Variants in SLC7A8 observed in about 807,000 individuals in gnomAD.
SLC7A8 encodes the protein large neutral amino acids transporter small subunit 2.
A neutral mutation model predicts 51.2 loss-of-function variants in SLC7A8; 30 were observed. The ratio of observed to expected loss-of-function variants is 0.59; its 90% CI spans 0.44 to 0.80. SLC7A8 has a LOEUF of 0.80. Ranked by LOEUF, SLC7A8 falls within the 30% of genes least tolerant of loss-of-function variation. The pLI is 0.00. For missense variants in SLC7A8, 612 were observed against 674.4 expected, an observed-to-expected ratio of 0.91 and a Z score of 1.03; for synonymous variants, 257 against 275.8, an observed-to-expected ratio of 0.93 and a Z score of 0.67.
chr14:23,175,405 C>T (rs1264317064), intron 1 of SLC7A8, among the ~76,000 whole-genome samples: 11 of 152,168 alleles, frequency 7.2e-5, no homozygotes, highest in African/African-American at 2.7e-4. Flanking sequence ...GATGGGGTTT[C>T]ACCATGTTGG....
chr14:23,161,610 G>C (rs868788191), intron 3 of SLC7A8, among the ~76,000 whole-genome samples: 2 of 114,342 alleles, frequency 1.7e-5, no homozygotes, highest in African/African-American at 7.1e-5. Flanking sequence ...GGGTGGGTGG[G>C]AGGGGTGCTG....
chr14:23,144,533 G>A (rs1039623077), intron 3 of SLC7A8, among the ~76,000 whole-genome samples: 1 of 152,046 alleles, frequency 6.6e-6, no homozygotes, highest in African/African-American at 2.4e-5. Context: ...TAAGCTGGGT[G>A]GTGTGGTCGC....
Position 23,128,707 on chromosome 14 carries a change from T to G in SLC7A8, c.1264-511A>C, listed in dbSNP as rs1698983356. Reference sequence around the variant, plus strand: ...CAATATGGCAAATGTCAGCTCCTTATGGGCCACATGTGGGGAGTTCCTGAG... The same window carrying G: ...CAATATGGCAAATGTCAGCTCCTTAGGGGCCACATGTGGGGAGTTCCTGAG... On this transcript the variant is annotated intron_variant, in intron 9 of 10. Coordinates refer to ENST00000316902, the MANE Select transcript of SLC7A8 (RefSeq NM_012244.4). This position sits in a 1 kb window ranked among gnomAD's most constrained non-coding sequence, Gnocchi z 4.3. Among the ~76,000 whole-genome samples, 1 of 152,220 alleles carries G rather than the reference T, an allele frequency of 6.6e-6. No homozygotes were observed. Among genetic ancestry groups the G allele is most frequent in the African/African-American group, 2.4e-5 (1 of 41,458 alleles).
Position 23,155,411 on chromosome 14 carries a change from T to A in SLC7A8, c.508+9874A>T, listed in dbSNP as rs1303816357. On this transcript the variant is annotated intron_variant, in intron 3 of 10. Transcript: ENST00000316902. ...CTCTTCCCCTTCCTTCTTATCCTGT[T>A]AGCTCCTGCGCCAGCTGCTGGAGCT... 6 of 1,454,354 alleles carry A rather than the reference T, an allele frequency of 4.1e-6. No homozygotes were observed. The African/African-American group carries it at 8.5e-5, about 21-fold the overall frequency. The allele number at this position is 1,454,354 out of a possible 1,614,324, so 90.1% of individuals were successfully genotyped here. A position where few individuals can be genotyped will look rare whatever the true frequency, so the allele number is the denominator to read the frequency against.
intron 3 of SLC7A8, chr14:23,154,558 G>T: frequency 1.2e-6 from 1 of 849,162 alleles, no homozygotes; most frequent in East Asian, 1.2e-4. Flanking sequence ...GGCTTGGCCT[G>T]TCCAACCGCA....
intron 3 of SLC7A8, among the ~76,000 whole-genome samples, chr14:23,145,721 G>A (rs146141517): frequency 1.6e-4 from 24 of 152,010 alleles, no homozygotes; most frequent in Non-Finnish European, 2.4e-4. Flanking sequence ...ATTCCACAGC[G>A]CACATCAACC....
At chr14:23,153,841 C>G (rs2048868357) in intron 3 of SLC7A8, among the ~76,000 whole-genome samples, 1 of 152,134 alleles carries the variant, frequency 6.6e-6, no homozygotes, top group African/African-American at 2.4e-5. Context: ...TTTCCAGAAC[C>G]AGGCCACTCC....
intron 3 of SLC7A8, among the ~76,000 whole-genome samples, chr14:23,151,112 T>C (rs59173459): frequency 0.028 from 4,211 of 152,290 alleles, 193 homozygotes; most frequent in African/African-American, 0.096. Context: ...TGAAGAGCTG[T>C]GCGGTTGCTG....
At chr14:23,132,591 CA>C (rs371100408) in intron 7 of SLC7A8, among the ~76,000 whole-genome samples, 8 of 150,232 alleles carry the variant, frequency 5.3e-5, no homozygotes, top group African/African-American at 1.7e-4. Context: ...CAAACACAAA[CA>C]AAAAAACCCC....
In SLC7A8 at chr14:23,169,192, A is replaced by AT. The variant is rs572039055; in HGVS notation, c.152-2653_152-2652insA. Among the ~76,000 whole-genome samples, 68 of 152,062 alleles carry AT rather than the reference A, an allele frequency of 4.5e-4. No individual in the cohort carries two copies. The East Asian group carries it at 0.013, about 29-fold the overall frequency. Reference sequence around the variant, plus strand: ...AGGGAGATCCTATCTCTAACAAAAAAATTTTTTGTTTTTTAATTAGCCAGA... The same window carrying AT: ...AGGGAGATCCTATCTCTAACAAAAAATATTTTTTGTTTTTTAATTAGCCAGA... On this transcript the variant is annotated intron_variant, in intron 1 of 10. Transcript: ENST00000316902.
intron 3 of SLC7A8, among the ~76,000 whole-genome samples, chr14:23,144,154 T>C (rs949487971): frequency 2.0e-5 from 3 of 151,878 alleles, no homozygotes; most frequent in African/African-American, 7.3e-5. Context: ...TTGAGTGGGG[T>C]TTTCATTGCT....
intron 8 of SLC7A8, among the ~76,000 whole-genome samples, chr14:23,130,669 C>T (rs192390659): frequency 1.0e-3 from 152 of 152,314 alleles, no homozygotes; most frequent in African/African-American, 3.4e-3. Context: ...ACCAACCAGT[C>T]AAGGTGACCT....
At chr14:23,137,574 A>G (rs1462430050) in intron 7 of SLC7A8, among the ~76,000 whole-genome samples, 1 of 152,206 alleles carries the variant, frequency 6.6e-6, no homozygotes, top group Non-Finnish European at 1.5e-5. Context: ...ACAGGACTGC[A>G]GCCAAGATAC....
At chr14:23,127,457 G>C in intron 10 of SLC7A8, 114 bp from the exon 11 acceptor site, 1 of 1,257,166 alleles carries the variant, frequency 8.0e-7, no homozygotes, top group Non-Finnish European at 1.1e-6. Flanking sequence ...CTTCAGAGCA[G>C]TCAGTGCGTT....
intron 3 of SLC7A8, among the ~76,000 whole-genome samples, chr14:23,154,995 A>C: frequency 1.2e-5 from 1 of 81,822 alleles, no homozygotes; most frequent in African/African-American, 4.5e-5. Flanking sequence ...GCCACACAAC[A>C]GACAAAAAAA....
At chr14:23,179,300 C>T (rs1440897448) in intron 1 of SLC7A8, among the ~76,000 whole-genome samples, 2 of 152,144 alleles carry the variant, frequency 1.3e-5, no homozygotes, top group African/African-American at 2.4e-5. Flanking sequence ...TCCTCCCAAT[C>T]AGGATATAAG....
At chr14:23,131,999 ATTTT>A (rs1201371313) in intron 7 of SLC7A8, among the ~76,000 whole-genome samples, 3 of 98,190 alleles carry the variant, frequency 3.1e-5, no homozygotes, top group Non-Finnish European at 2.0e-5. Context: ...AAAACACTCT[ATTTT>A]TTTTTTTTTT....
At chr14:23,147,115 TTCAC>T (rs1394530842) in intron 3 of SLC7A8, among the ~76,000 whole-genome samples, 6 of 15,488 alleles carry the variant, frequency 3.9e-4, no homozygotes, top group South Asian at 2.4e-3. Context: ...CATAGATCCA[TTCAC>T]CCATCCACCC....
rs190781075 is a variant in SLC7A8, at chr14:23,128,965, C to T, written c.1263+685G>A. On this transcript the variant is annotated intron_variant, in intron 9 of 10. Transcript: ENST00000316902. This position sits in a 1 kb window ranked among gnomAD's most constrained non-coding sequence, Gnocchi z 4.3. Reference sequence around the variant, plus strand: ...AGCTGGAAGGATCTTCTAGAAGCATCTAGTCACTGTTTCTAGAATAGGATT... The same window carrying T: ...AGCTGGAAGGATCTTCTAGAAGCATTTAGTCACTGTTTCTAGAATAGGATT... Among the ~76,000 whole-genome samples, 80 of 152,310 alleles carry T rather than the reference C, an allele frequency of 5.3e-4. No homozygotes were observed. Among genetic ancestry groups the T allele is most frequent in the African/African-American group, 1.7e-3 (69 of 41,554 alleles).
Sources: gnomAD v4.1 joint callset for allele counts (sites outside exome capture counted in the v4.1 genomes callset) on GRCh38, gnomAD v4.1.1 for gene constraint, Gnocchi (gnomAD v3.1) non-coding constraint, MANE v1.5 for transcripts, NCBI Gene and HGNC (gene_info 2026-07-23, HGNC 2026-07-21) for gene names.